RGS12: variants seen among roughly 807,000 people sequenced by gnomAD.
RGS12 encodes regulator of G protein signaling 12, also known as regulator of G-protein signaling 12.
A neutral mutation model predicts 120.1 loss-of-function variants in RGS12; 66 were observed. The observed-to-expected ratio is 0.55, with a 90% confidence interval of 0.45 to 0.67. RGS12 has a LOEUF of 0.67. RGS12 is among the 30% of genes least tolerant of loss of function. The pLI is 0.00. For missense variants in RGS12, 1,859 were observed against 1,957.7 expected, an observed-to-expected ratio of 0.95 and a Z score of 0.95; for synonymous variants, 827 against 804.7, an observed-to-expected ratio of 1.03 and a Z score of -0.47.
intron 4 of RGS12, among the ~76,000 whole-genome samples, chr4:3,391,848 C>T (rs989834156): frequency 2.6e-5 from 4 of 152,086 alleles, no homozygotes; most frequent in African/African-American, 4.8e-5. Context: ...TCCTCCTGCT[C>T]AGCTTCTCGG....
chr4:3,305,504 C>T (rs935559588), intron 1 of RGS12, among the ~76,000 whole-genome samples: 5 of 152,332 alleles, frequency 3.3e-5, no homozygotes, highest in South Asian at 2.1e-4. Flanking sequence ...CTGGGGTGCA[C>T]GGTACCCCGG....
chr4:3,405,693 C>G (rs1363181455), intron 4 of RGS12, among the ~76,000 whole-genome samples: 1 of 152,126 alleles, frequency 6.6e-6, no homozygotes, highest in Non-Finnish European at 1.5e-5. Flanking sequence ...AAGAGGCATG[C>G]TGTCTCCAAC....
intron 2 of RGS12, 75 bp from the exon 3 acceptor site, chr4:3,342,862 C>T (rs1421184377): frequency 1.5e-5 from 14 of 952,056 alleles, no homozygotes; most frequent in Non-Finnish European, 2.2e-5. Context: ...TGATTTTCTG[C>T]TATGCCATGC....
upstream of RGS12, among the ~76,000 whole-genome samples, chr4:3,290,129 T>C (rs1722980253): frequency 1.3e-5 from 2 of 152,218 alleles, no homozygotes; most frequent in South Asian, 4.1e-4. Flanking sequence ...TGCAGACGTC[T>C]CTTTGACACA....
chr4:3,394,586 CT>C (rs1321156660), intron 4 of RGS12, among the ~76,000 whole-genome samples: 3 of 152,214 alleles, frequency 2.0e-5, no homozygotes, highest in Non-Finnish European at 4.4e-5. Context: ...TGGCTCTATT[CT>C]GCTCACATTT....
At chr4:3,416,721 G>C (rs2109121117) in intron 7 of RGS12, among the ~76,000 whole-genome samples, 192 bp from the exon 8 acceptor site, 1 of 152,286 alleles carries the variant, frequency 6.6e-6, no homozygotes, top group Non-Finnish European at 1.5e-5. Flanking sequence ...TTATGAGAAA[G>C]AAGACTCAGA....
At chr4:3,429,396 G>A (rs1043857299) in intron 16 of RGS12, among the ~76,000 whole-genome samples, 7 of 152,202 alleles carry the variant, frequency 4.6e-5, no homozygotes, top group Non-Finnish European at 5.9e-5. Context: ...GGCGTGTCAC[G>A]GCTTTGTCAC....
intron 1 of RGS12, 106 bp downstream of exon 1, chr4:3,293,205 C>T (rs189988058): frequency 0.073 from 10,612 of 146,306 alleles, 731 homozygotes; most frequent in East Asian, 0.3. Flanking sequence ...CGGCCGATCC[C>T]GGCCAGCCCT....
intron 1 of RGS12, among the ~76,000 whole-genome samples, chr4:3,304,949 G>C (rs1315497469): frequency 6.6e-6 from 1 of 152,236 alleles, no homozygotes; most frequent in African/African-American, 2.4e-5. Flanking sequence ...TGTGATCAAG[G>C]CGTTGGCCAG....
chr4:3,301,492 C>G (rs1723685092), intron 1 of RGS12, among the ~76,000 whole-genome samples: 1 of 152,180 alleles, frequency 6.6e-6, no homozygotes, highest in Non-Finnish European at 1.5e-5. Context: ...AAATAAGACC[C>G]ATTTGTTGAT....
At chr4:3,308,409 C>T (rs1038275676) in intron 1 of RGS12, among the ~76,000 whole-genome samples, 3 of 152,214 alleles carry the variant, frequency 2.0e-5, no homozygotes, top group Non-Finnish European at 4.4e-5. Flanking sequence ...GCAGGCGGGC[C>T]GTGGCACTGA....
At chr4:3,332,030 A>C (rs1711909054) in intron 2 of RGS12, among the ~76,000 whole-genome samples, 1 of 152,208 alleles carries the variant, frequency 6.6e-6, no homozygotes, top group South Asian at 2.1e-4. Flanking sequence ...AGCAGTGGAC[A>C]GAAGCCCCCA....
Position 3,414,184 on chromosome 4 carries a change from C to T in RGS12, c.2133C>T (p.Ser711=), listed in dbSNP as rs772697706. ...GCCTGCGTGAGAGGAGGGTCGCCAG[C>T]TGGGCCGTGTCCTTTGAGCGCCTGC... ...CRRLRERRVA[S]WAVSFERLLQ... The change falls in exon 5 of 18, where the codon AGC becomes AGT. Residue 711 remains serine, a synonymous_variant. Transcript: ENST00000336727. The T allele has an allele frequency of 6.4e-7, 1 of 1,552,050 alleles. No individual in the cohort carries two copies. Among genetic ancestry groups the T allele is most frequent in the South Asian group, 1.2e-5 (1 of 84,836 alleles).
chr4:3,331,536 C>T (rs2108736641), intron 2 of RGS12, among the ~76,000 whole-genome samples: 1 of 152,046 alleles, frequency 6.6e-6, no homozygotes, highest in East Asian at 1.9e-4. Flanking sequence ...GATTGCAGGC[C>T]AGGAGAGTTT....
intron 1 of RGS12, among the ~76,000 whole-genome samples, chr4:3,294,281 G>T (rs891596994): frequency 6.6e-6 from 1 of 152,236 alleles, no homozygotes; most frequent in Non-Finnish European, 1.5e-5. Flanking sequence ...CCCAGGCAAG[G>T]CAGCAGCCCC....
At chr4:3,333,378 C>G (rs1343128444) in intron 2 of RGS12, among the ~76,000 whole-genome samples, 3 of 152,032 alleles carry the variant, frequency 2.0e-5, no homozygotes, top group Non-Finnish European at 4.4e-5. Flanking sequence ...TCAAGTGATC[C>G]TCTCCCGCCT....
chr4:3,427,723 G>A lies in RGS12; in HGVS notation c.3332-367G>A, dbSNP rs183366168. 9.8e-4 allele frequency among the ~76,000 whole-genome samples: 149 copies of A among 152,076 alleles called. 1 individual carries two copies. Among genetic ancestry groups the A allele is most frequent in the African/African-American group, 2.5e-3 (105 of 41,500 alleles). ...TGCACTCCAGCCTGGGAGACAGAGT[G>A]AGACTCTGTCTCAAAAAAAGAAAAA... On this transcript the variant is annotated intron_variant, in intron 14 of 17. Coordinates refer to ENST00000336727, the MANE Select transcript of RGS12 (RefSeq NM_001394154.1).
intron 4 of RGS12, among the ~76,000 whole-genome samples, chr4:3,393,974 T>A (rs1305004521): frequency 6.6e-6 from 1 of 152,058 alleles, no homozygotes; most frequent in Non-Finnish European, 1.5e-5. Context: ...TATGGGGAAA[T>A]GGCTGGAATT....
At chr4:3,293,372 G>A (rs1723161655) in intron 1 of RGS12, among the ~76,000 whole-genome samples, 1 of 146,462 alleles carries the variant, frequency 6.8e-6, no homozygotes, top group South Asian at 2.1e-4. Context: ...CTCCGGCCGG[G>A]CGGGTGCGCG....
Sources: allele counts gnomAD v4.1 joint callset (sites outside exome capture counted in the v4.1 genomes callset), GRCh38; gene constraint gnomAD v4.1.1; transcripts MANE v1.5; gene names NCBI Gene and HGNC (gene_info 2026-07-23, HGNC 2026-07-21).